CHD7: variants seen among roughly 807,000 people sequenced by gnomAD.
CHD7 encodes the protein ATP-dependent chromatin remodeler CHD7.
A neutral mutation model predicts 307.3 loss-of-function variants in CHD7; 24 were observed. The ratio of observed to expected loss-of-function variants is 0.08; its 90% confidence interval spans 0.06 to 0.11. CHD7 has a LOEUF of 0.11. CHD7 is among the 10% of genes least tolerant of loss of function. CHD7 has a pLI of 1.00. For synonymous variants in CHD7, 1,363 were observed against 1,349.9 expected (o/e 1.01, Z -0.21); for missense variants, 3,106 against 3,727.1 (o/e 0.83, Z 4.34).
At chr8:60,683,377 T>C (rs1805727285) in intron 1 of CHD7, among the ~76,000 whole-genome samples, 1 of 152,222 alleles carries the variant, frequency 6.6e-6, no homozygotes, top group Admixed American at 6.5e-5. Flanking sequence ...CAGAGGTCCA[T>C]AGCTGATTAT....
intron 1 of CHD7, among the ~76,000 whole-genome samples, chr8:60,692,240 C>T (rs1442759761): frequency 6.6e-6 from 1 of 152,188 alleles, no homozygotes; most frequent in Non-Finnish European, 1.5e-5. Flanking sequence ...CTGTTTGACA[C>T]ACTAATTACT....
intron 26 of CHD7, 175 bp from the exon 27 acceptor site, chr8:60,850,857 C>A (rs1269219185): frequency 1.5e-6 from 1 of 677,458 alleles, no homozygotes; most frequent in South Asian, 2.0e-5. Flanking sequence ...TCTCCCCAGA[C>A]CCCCTCCACC....
In CHD7 at chr8:60,836,268, A is replaced by G; in HGVS notation, c.3974A>G (p.Tyr1325Cys). The G allele has an allele frequency of 1.2e-6, 2 of 1,613,696 alleles. No individual in the cohort carries two copies. The highest frequency in any genetic ancestry group is 1.7e-6 in the Non-Finnish European group (2 of 1,179,664). Reference protein sequence around the residue: ...MVRCLDILEDYLIQRRYPYER... With the variant: ...MVRCLDILEDCLIQRRYPYER... ...CGCTGCTTGGACATACTGGAAGACT[A>G]CCTCATTCAAAGACGGTGAGGACCA... The change falls in exon 16 of 38, where the codon TAC becomes TGC. Residue 1325 changes from tyrosine to cysteine, a missense_variant. Tyr to Cys is a radical substitution (Grantham distance 194). Transcript: ENST00000423902.
In CHD7 at chr8:60,821,879, C is replaced by G. The variant is rs771367272; in HGVS notation, c.2787C>G (p.Ile929Met). The change falls in exon 10 of 38, where the codon ATC (isoleucine) becomes ATG (methionine). Residue 929 changes from isoleucine (I) to methionine (M), a missense_variant. Physicochemically the swap from Ile to Met is conservative, Grantham distance 10. Coordinates refer to ENST00000423902, the MANE Select transcript of CHD7 (RefSeq NM_017780.4). ...ERRQDIDQAK[I>M]EEFEKLMSRE... ...GGCAGGACATAGATCAAGCAAAGATCGAGGAGTTTGAGAAACTAATGTCCA... is the reference window on the plus strand; with the variant it reads ...GGCAGGACATAGATCAAGCAAAGATGGAGGAGTTTGAGAAACTAATGTCCA... 1.1e-5 allele frequency: 18 copies of G among 1,609,696 alleles called. No homozygotes were observed. The highest frequency in any genetic ancestry group is 1.4e-5 in the Non-Finnish European group (16 of 1,177,854).
intron 1 of CHD7, among the ~76,000 whole-genome samples, chr8:60,682,477 T>C (rs1399036588): frequency 6.6e-6 from 1 of 152,214 alleles, no homozygotes; most frequent in East Asian, 1.9e-4. Flanking sequence ...GTGTAACCCA[T>C]AAAAGCCATG....
In CHD7 at chr8:60,852,921, G is replaced by A; in HGVS notation, c.6196G>A (p.Glu2066Lys). Residue 2066 changes from glutamate (E) to lysine (K), a missense_variant, in exon 31 of 38, where the codon GAG (glutamate) becomes AAG (lysine). Around this residue, in one of 10 missense-constraint regions of CHD7, gnomAD observed 1,030 missense variants for 1,165.4 expected, o/e 0.88. Transcript: ENST00000423902. The stretch of plus-strand genomic sequence containing the variant: ...CATTGAGCTGCTACGGAAGATCCGC[G>A]AGCAGGTTCTCCATCACCCCCAGCT... ...YRIELLRKIR[E>K]QVLHHPQLGE... is the part of the protein sequence containing the mutation. 6.2e-7 allele frequency: 1 copy of A among 1,613,938 alleles called. No homozygotes were observed. The highest frequency in any genetic ancestry group is 8.5e-7 in the Non-Finnish European group (1 of 1,179,886).
chr8:60,739,166 C>A (rs550428416), intron 1 of CHD7, among the ~76,000 whole-genome samples: 1 of 152,138 alleles, frequency 6.6e-6, no homozygotes, highest in Non-Finnish European at 1.5e-5. Context: ...GGAGCCCCAT[C>A]GAGTCAGTAG....
chr8:60,836,535 CTTAAAATTGAAA>C (rs1166020860), intron 16 of CHD7, among the ~76,000 whole-genome samples: 4 of 152,098 alleles, frequency 2.6e-5, no homozygotes, highest in African/African-American at 9.7e-5. Flanking sequence ...ATAGTTCTTA[CTTAAAATTGAAA>C]TTATTTGTTA....
At chr8:60,702,338 T>C (rs752809770) in intron 1 of CHD7, among the ~76,000 whole-genome samples, 2 of 152,262 alleles carry the variant, frequency 1.3e-5, no homozygotes, top group Non-Finnish European at 2.9e-5. Flanking sequence ...ATTCTTATTT[T>C]AGATGTTCTT....
At chr8:60,781,465 T>C (rs1014652826) in intron 3 of CHD7, 35 bp downstream of exon 3, 2 of 1,497,672 alleles carry the variant, frequency 1.3e-6, no homozygotes, top group African/African-American at 2.9e-5. Context: ...CTGCAAAACA[T>C]TGAGAGTACA....
Position 60,781,400 on chromosome 8 carries a change from C to T in CHD7, c.2066C>T (p.Thr689Met), listed in dbSNP as rs373706363. 1.8e-5 allele frequency: 28 copies of T among 1,531,034 alleles called. No individual in the cohort carries two copies. Among genetic ancestry groups the T allele is most frequent in the South Asian group, 2.6e-5 (2 of 77,148 alleles). 94.8% of individuals were successfully genotyped at this position (1,531,034 alleles called of 1,614,324 possible). ...EPKEKKAKTA[T>M]PKPKSSKKSS... is the part of the protein sequence containing the mutation. ...AAGGAAAAGAAAGCAAAAACTGCCA[C>T]GCCAAAACCCAAATCCAGCAAAAAG... Residue 689 changes from threonine to methionine, a missense_variant, in exon 3 of 38, where the codon ACG (threonine) becomes ATG (methionine). Thr to Met is a moderately conservative substitution (Grantham distance 81). Coordinates refer to ENST00000423902, the MANE Select transcript of CHD7 (RefSeq NM_017780.4).
At chr8:60,681,910 A>C (rs7001408) in intron 1 of CHD7, among the ~76,000 whole-genome samples, 1 of 152,132 alleles carries the variant, frequency 6.6e-6, no homozygotes, top group Non-Finnish European at 1.5e-5. Flanking sequence ...ATTTTAAAAG[A>C]CTGGTATATG....
intron 34 of CHD7, 115 bp downstream of exon 34, chr8:60,857,003 C>A: frequency 3.5e-6 from 3 of 858,078 alleles, no homozygotes; most frequent in Non-Finnish European, 5.3e-6. Flanking sequence ...AAGCCAGCTT[C>A]CTCCACTAAA....
At chr8:60,684,974 A>G (rs555032733) in intron 1 of CHD7, among the ~76,000 whole-genome samples, 6 of 152,294 alleles carry the variant, frequency 3.9e-5, no homozygotes, top group African/African-American at 1.4e-4. Context: ...TAACAGTTTC[A>G]ACGAATAGGA....
chr8:60,752,478 C>T (rs1259340857), intron 2 of CHD7, among the ~76,000 whole-genome samples: 2 of 152,188 alleles, frequency 1.3e-5, no homozygotes, highest in East Asian at 3.8e-4. Flanking sequence ...AGCGGCTGCT[C>T]AGTTTAGGCA....
chr8:60,856,415 C>A (rs1805710177), intron 33 of CHD7, 30 bp from the exon 34 acceptor site: 3 of 1,577,130 alleles, frequency 1.9e-6, no homozygotes, highest in Admixed American at 1.8e-5. Context: ...TGGCTCACTG[C>A]AACTCTGTTC....
intron 2 of CHD7, among the ~76,000 whole-genome samples, chr8:60,771,842 CT>C (rs1427670713): frequency 2.0e-5 from 3 of 152,222 alleles, no homozygotes; most frequent in African/African-American, 7.2e-5. Context: ...GTTGGGTTCC[CT>C]GGCAACGTAG....
intron 1 of CHD7, among the ~76,000 whole-genome samples, chr8:60,706,928 T>C (rs1290550148): frequency 6.6e-6 from 1 of 152,178 alleles, no homozygotes; most frequent in Non-Finnish European, 1.5e-5. Context: ...CATTAACTCG[T>C]CATTTACATT....
At chr8:60,760,765 A>C (rs1309411486) in intron 2 of CHD7, among the ~76,000 whole-genome samples, 1 of 151,284 alleles carries the variant, frequency 6.6e-6, no homozygotes, top group Non-Finnish European at 1.5e-5. Flanking sequence ...ACTGGCCATC[A>C]GAGAAATGCA....
Sources: allele counts gnomAD v4.1 joint callset (sites outside exome capture counted in the v4.1 genomes callset), GRCh38; gene constraint gnomAD v4.1.1; regional missense constraint gnomAD v4.1.1; transcripts MANE v1.5; gene names NCBI Gene and HGNC (gene_info 2026-07-23, HGNC 2026-07-21).